The following LRRC7 variants were observed in gnomAD, a reference collection of about 807,000 sequenced individuals.
LRRC7 encodes leucine-rich repeat-containing protein 7.
In LRRC7, 23 loss-of-function variants were observed where a neutral mutation model predicts 175.7. The observed-to-expected ratio is 0.13, with a 90% confidence interval of 0.09 to 0.19. The LOEUF is 0.19. LRRC7 is among the 10% of genes least tolerant of loss of function. The probability of loss-of-function intolerance (pLI) is 1.00; values close to 1 mark genes in which losing one functional copy is unlikely to be tolerated. For synonymous variants in LRRC7, 685 were observed against 680.9 expected, an observed-to-expected ratio of 1.01 and a Z score of -0.09; for missense variants, 1,354 against 1,904.7, an observed-to-expected ratio of 0.71 and a Z score of 5.38.
chr1:69,880,095 T>C (rs918308779), intron 7 of LRRC7, among the ~76,000 whole-genome samples: 2 of 152,194 alleles, frequency 1.3e-5, no homozygotes, highest in South Asian at 4.1e-4. Context: ...ACTGGAGAAA[T>C]GTTTGCATAC....
At chr1:69,997,573 C>T (rs1397315696) in intron 11 of LRRC7, among the ~76,000 whole-genome samples, 1 of 151,374 alleles carries the variant, frequency 6.6e-6, no homozygotes, top group African/African-American at 2.4e-5. Context: ...GAGATACGTC[C>T]CATCAATACC....
chr1:69,931,909 G>T lies in LRRC7; in HGVS notation c.711+339G>T, dbSNP rs533021903. 3.3e-5 allele frequency among the ~76,000 whole-genome samples: 5 copies of T among 152,282 alleles called. No individual in the cohort carries two copies. The East Asian group carries it at 7.7e-4, about 24-fold the overall frequency. ...TGTCATACATAGCTATTAAGTGCCT[G>T]AACAGGGATTAAACCCAGACTTGAT... is the stretch of plus-strand genomic sequence containing the variant. On this transcript the variant is annotated intron_variant, in intron 8 of 26. Coordinates refer to ENST00000651989, the MANE Select transcript of LRRC7 (RefSeq NM_001370785.2).
At chr1:69,764,338 C>CA (rs990593027) in intron 3 of LRRC7, among the ~76,000 whole-genome samples, 1 of 151,036 alleles carries the variant, frequency 6.6e-6, no homozygotes, top group Non-Finnish European at 1.5e-5. Context: ...GAAAAACTGC[C>CA]AAAAAAACTT....
chr1:70,109,162 C>T (rs905921679), intron 26 of LRRC7, among the ~76,000 whole-genome samples: 1 of 152,076 alleles, frequency 6.6e-6, no homozygotes, highest in Non-Finnish European at 1.5e-5. Flanking sequence ...GCTGGGATTA[C>T]AGGAATGCGC....
At chr1:69,658,529 G>C (rs1656981758) in intron 1 of LRRC7, among the ~76,000 whole-genome samples, 1 of 151,948 alleles carries the variant, frequency 6.6e-6, no homozygotes, top group Non-Finnish European at 1.5e-5. Context: ...TTTAACTGTA[G>C]AACTTCAGCT....
intron 7 of LRRC7, among the ~76,000 whole-genome samples, chr1:69,913,113 A>C (rs148686524): frequency 0.015 from 2,262 of 152,338 alleles, 32 homozygotes; most frequent in South Asian, 0.031. Context: ...TGACAGCTTA[A>C]TGCAAATTAT....
At chr1:70,093,708 T>A (rs1472336115) in intron 25 of LRRC7, among the ~76,000 whole-genome samples, 1 of 152,158 alleles carries the variant, frequency 6.6e-6, no homozygotes, top group Admixed American at 6.6e-5. Flanking sequence ...GAGCATACTG[T>A]ACAGAGAAGA....
rs1303951422 is a variant in LRRC7 at position 70,013,010 on chromosome 1, C to T, written c.1171C>T (p.Arg391Cys). Residue 391 changes from arginine (R) to cysteine (C), a missense_variant, in exon 13 of 27, where the codon CGC (arginine) becomes TGC (cysteine). Physicochemically the swap from Arg to Cys is radical, Grantham distance 180 (BLOSUM62 -3). Transcript: ENST00000651989. ...SCKNVTVMSLRSNKLEFLPEE... is the reference protein window; with the variant it reads ...SCKNVTVMSLCSNKLEFLPEE... Reference sequence around the variant, plus strand: ...TAAGAATGTAACAGTCATGTCTCTACGCTCCAACAAATTAGAATTTCTTCC... The same window carrying T: ...TAAGAATGTAACAGTCATGTCTCTATGCTCCAACAAATTAGAATTTCTTCC... 2.5e-6 allele frequency: 4 copies of T among 1,583,524 alleles called. No homozygotes were observed. The highest frequency in any genetic ancestry group is 3.4e-6 in the Non-Finnish European group (4 of 1,164,010).
At chr1:70,003,451 A>T (rs1187978710) in intron 11 of LRRC7, among the ~76,000 whole-genome samples, 1 of 152,196 alleles carries the variant, frequency 6.6e-6, no homozygotes, top group African/African-American at 2.4e-5. Flanking sequence ...GTTTTGAATC[A>T]TAGCAGTTGG....
At chr1:69,910,823 G>A (rs1646501585) in intron 7 of LRRC7, among the ~76,000 whole-genome samples, 1 of 152,222 alleles carries the variant, frequency 6.6e-6, no homozygotes, top group African/African-American at 2.4e-5. Flanking sequence ...AGGCAGGCAG[G>A]CCTCCTTGAG....
At chr1:69,653,354 A>AAACAAATGACC (rs56840660) in intron 1 of LRRC7, among the ~76,000 whole-genome samples, 14,957 of 151,970 alleles carry the variant, frequency 0.098, 827 homozygotes, top group African/African-American at 0.16. Flanking sequence ...CCAAAAAGAA[A>AAACAAATGACC]AACAGATCTG....
intron 3 of LRRC7, among the ~76,000 whole-genome samples, chr1:69,771,500 T>C (rs1451095531): frequency 6.6e-6 from 1 of 152,172 alleles, no homozygotes; most frequent in South Asian, 2.1e-4. Context: ...CATGCCATCA[T>C]TTATTTCTAA....
At chr1:69,931,130 T>A (rs1647330973) in intron 7 of LRRC7, among the ~76,000 whole-genome samples, 1 of 152,186 alleles carries the variant, frequency 6.6e-6, no homozygotes, top group African/African-American at 2.4e-5. Flanking sequence ...GGTGCCATAT[T>A]ATGAGATTTT....
chr1:69,620,989 C>G, intron 1 of LRRC7, among the ~76,000 whole-genome samples: 1 of 152,034 alleles, frequency 6.6e-6, no homozygotes, highest in Non-Finnish European at 1.5e-5. Context: ...CTAAGTTTAT[C>G]TCACTGCCTT....
chr1:70,015,748 CT>C (rs1656910334), intron 13 of LRRC7, among the ~76,000 whole-genome samples: 1 of 152,062 alleles, frequency 6.6e-6, no homozygotes, highest in South Asian at 2.1e-4. Flanking sequence ...CTTAGAAGTG[CT>C]AATTTTTTAA....
chr1:69,998,440 C>T (rs1398483490), intron 11 of LRRC7, among the ~76,000 whole-genome samples: 1 of 152,046 alleles, frequency 6.6e-6, no homozygotes, highest in Non-Finnish European at 1.5e-5. Context: ...TTTTAATGCC[C>T]TCACTATACA....
chr1:69,594,818 C>T (rs1390763712), intron 1 of LRRC7, among the ~76,000 whole-genome samples: 1 of 152,070 alleles, frequency 6.6e-6, no homozygotes, highest in Non-Finnish European at 1.5e-5. Flanking sequence ...AAATCATCAC[C>T]TTGCATTGAA....
At chr1:70,019,044 T>C (rs1170214505) in intron 15 of LRRC7, among the ~76,000 whole-genome samples, 1 of 152,068 alleles carries the variant, frequency 6.6e-6, no homozygotes, top group Non-Finnish European at 1.5e-5. Context: ...ATATCTTACA[T>C]AAAAATAATG....
chr1:69,827,251 T>C (rs570117496), intron 5 of LRRC7, among the ~76,000 whole-genome samples: 20 of 152,264 alleles, frequency 1.3e-4, no homozygotes, highest in African/African-American at 4.1e-4. Flanking sequence ...ATTGCTTTTT[T>C]CCTCCTAATT....
Sources: gnomAD v4.1 joint callset for allele counts (sites outside exome capture counted in the v4.1 genomes callset) on GRCh38, gnomAD v4.1.1 for gene constraint, MANE v1.5 for transcripts, NCBI Gene and HGNC (gene_info 2026-07-23, HGNC 2026-07-21) for gene names.